CCDC149: variants seen among roughly 807,000 people sequenced by gnomAD.
CCDC149 encodes coiled-coil domain containing 149.
CCDC149 carries 45 observed loss-of-function variants against 59.9 expected under a neutral mutation model. The ratio of observed to expected loss-of-function variants is 0.75; its 90% CI spans 0.59 to 0.96. The LOEUF (loss-of-function observed/expected upper bound fraction) is 0.96, where lower values mean the gene tolerates loss of function less well. CCDC149 is among the 40% of genes least tolerant of loss of function. CCDC149 has a pLI of 0.00. For synonymous variants in CCDC149, 245 were observed against 260.6 expected (o/e 0.94, Z 0.58); for missense variants, 584 against 664.7 (o/e 0.88, Z 1.33).
chr4:24,813,510 A>G (rs1344492180), intron 12 of CCDC149, among the ~76,000 whole-genome samples: 2 of 144,280 alleles, frequency 1.4e-5, no homozygotes, highest in Non-Finnish European at 3.0e-5. Flanking sequence ...ATATATATAT[A>G]TATATATATA....
chr4:24,979,742 C>A (rs1724389269), intron 1 of CCDC149, among the ~76,000 whole-genome samples: 1 of 152,040 alleles, frequency 6.6e-6, no homozygotes, highest in African/African-American at 2.4e-5. Context: ...GGATGGTGGC[C>A]AAGTTCTCAT....
chr4:24,894,692 G>A (rs945342662), intron 1 of CCDC149, among the ~76,000 whole-genome samples: 4 of 151,452 alleles, frequency 2.6e-5, no homozygotes, highest in African/African-American at 4.8e-5. Context: ...AAGTATGTTC[G>A]AAAGGGCATC....
upstream of CCDC149, among the ~76,000 whole-genome samples, chr4:24,917,892 C>T (rs6826544): frequency 0.077 from 11,783 of 152,084 alleles, 551 homozygotes; most frequent in Middle Eastern, 0.11. Context: ...CAGCAGGGCC[C>T]GTGCTGCTGA....
intron 1 of CCDC149, among the ~76,000 whole-genome samples, chr4:24,935,153 A>G (rs1194582116): frequency 6.6e-6 from 1 of 152,162 alleles, no homozygotes; most frequent in Non-Finnish European, 1.5e-5. Flanking sequence ...AGATGCAAGA[A>G]TTTATCAGAT....
At chr4:24,835,181 A>G (rs1716427164) in intron 7 of CCDC149, 149 bp from the exon 8 acceptor site, 1 of 553,128 alleles carries the variant, frequency 1.8e-6, no homozygotes, top group Non-Finnish European at 3.2e-6. Flanking sequence ...TCTACGCCCA[A>G]GAGTTATAAT....
downstream of CCDC149, among the ~76,000 whole-genome samples, chr4:24,805,354 G>T (rs28614114): frequency 9.9e-5 from 15 of 152,148 alleles, no homozygotes; most frequent in African/African-American, 3.6e-4. Context: ...TGCCAGGGAG[G>T]GGGGATGAGA....
At position 24,842,986 on chromosome 4, in the gene CCDC149, C is replaced by A. The variant is rs149043508; in HGVS notation, c.373-4714G>T. Reference sequence around the variant, plus strand: ...CTATGTGCCCTTGGCAAGCTTCTAACCCTGGTGGGCTACATGTGACTTGTT... The same window carrying A: ...CTATGTGCCCTTGGCAAGCTTCTAAACCTGGTGGGCTACATGTGACTTGTT... On this transcript the variant is annotated intron_variant, in intron 4 of 12. Transcript: ENST00000635206. Among the ~76,000 whole-genome samples the A allele has an allele frequency of 1.6e-3, 242 of 152,144 alleles. 1 individual carries two copies. The highest frequency in any genetic ancestry group is 2.6e-3 in the Admixed American group (40 of 15,296).
chr4:24,951,051 T>C (rs1723272705), intron 1 of CCDC149, among the ~76,000 whole-genome samples: 2 of 151,702 alleles, frequency 1.3e-5, no homozygotes, highest in South Asian at 4.2e-4. Flanking sequence ...GCTGGGGGAG[T>C]GGGGAAGGGG....
chr4:24,864,513 T>C (rs1718574992), intron 3 of CCDC149, among the ~76,000 whole-genome samples: 2 of 151,952 alleles, frequency 1.3e-5, no homozygotes, highest in African/African-American at 4.8e-5. Context: ...CCAACAGCAC[T>C]CCCCACTCCC....
At chr4:24,964,228 A>G (rs1291060316) in intron 1 of CCDC149, among the ~76,000 whole-genome samples, 1 of 151,106 alleles carries the variant, frequency 6.6e-6, no homozygotes, top group East Asian at 1.9e-4. Context: ...AATGGAAATT[A>G]CAGAATTAAA....
chr4:24,917,986 G>A (rs1026817597), upstream of CCDC149, among the ~76,000 whole-genome samples: 1 of 151,940 alleles, frequency 6.6e-6, no homozygotes, highest in African/African-American at 2.4e-5. Flanking sequence ...TCTGACTTGG[G>A]GGTCACTGGC....
intron 8 of CCDC149, 123 bp downstream of exon 8, chr4:24,834,825 G>A (rs1426857508): frequency 1.7e-6 from 1 of 586,036 alleles, no homozygotes; most frequent in Non-Finnish European, 2.9e-6. Flanking sequence ...AAGTCGGGGA[G>A]CCACTGTTCT....
At chr4:24,912,719 C>T (rs1012195478) in intron 1 of CCDC149, 98 bp downstream of exon 1, 15 of 875,244 alleles carry the variant, frequency 1.7e-5, no homozygotes, top group Non-Finnish European at 2.2e-5. Context: ...GCGCGCCCCC[C>T]TCTCGTCCCT....
At chr4:24,902,843 G>T (rs1721246300) in intron 1 of CCDC149, among the ~76,000 whole-genome samples, 2 of 151,802 alleles carry the variant, frequency 1.3e-5, no homozygotes, top group South Asian at 4.2e-4. Context: ...GGACAAGAAG[G>T]CAAAGCTCTG....
intron 3 of CCDC149, among the ~76,000 whole-genome samples, chr4:24,856,699 T>C (rs895589961): frequency 6.6e-6 from 1 of 152,212 alleles, no homozygotes; most frequent in Non-Finnish European, 1.5e-5. Context: ...ACTCAATTCT[T>C]GATTTTCGTT....
intron 3 of CCDC149, among the ~76,000 whole-genome samples, chr4:24,867,915 G>T (rs960350788): frequency 1.3e-5 from 2 of 152,176 alleles, no homozygotes; most frequent in Non-Finnish European, 2.9e-5. Context: ...GCAATAATAC[G>T]CACATTGTGG....
chr4:24,968,119 A>G (rs867688008), intron 1 of CCDC149, among the ~76,000 whole-genome samples: 2 of 152,246 alleles, frequency 1.3e-5, no homozygotes, highest in African/African-American at 2.4e-5. Flanking sequence ...CATGAGCCCT[A>G]CAGGTCGTTG....
At chr4:24,958,677 A>C (rs948088419) in intron 1 of CCDC149, among the ~76,000 whole-genome samples, 3 of 152,192 alleles carry the variant, frequency 2.0e-5, no homozygotes, top group Non-Finnish European at 4.4e-5. Context: ...GGATGATTCG[A>C]TATTGCAGAA....
Position 24,931,069 on chromosome 4 carries a change from A to T in CCDC149, c.-64-35951T>A, listed in dbSNP as rs114893907. ...CTCTTTTGTCTGGAATTTAAAGCCT[A>T]CAGTGATGTAACCCTAGCTTTTCTT... On this transcript the variant is annotated intron_variant, in intron 1 of 12. Transcript: ENST00000389609. 3.4e-3 allele frequency among the ~76,000 whole-genome samples: 524 copies of T among 152,078 alleles called. 2 individuals are homozygous for T. The highest frequency in any genetic ancestry group is 0.012 in the African/African-American group (507 of 41,502).
Sources: gnomAD v4.1 joint callset for allele counts (sites outside exome capture counted in the v4.1 genomes callset) on GRCh38, gnomAD v4.1.1 for gene constraint, MANE v1.5 for transcripts, NCBI Gene and HGNC (gene_info 2026-07-23, HGNC 2026-07-21) for gene names.